ATP8A2: variants seen among roughly 807,000 people sequenced by gnomAD.
ATP8A2 encodes the protein ATPase phospholipid transporting 8A2, also known as phospholipid-transporting ATPase IB.
ATP8A2 carries 100 observed loss-of-function variants against 165.6 expected under a neutral mutation model. The observed-to-expected ratio is 0.60, with a 90% CI of 0.51 to 0.71. ATP8A2 has a LOEUF of 0.71. Among genes scored for constraint, ATP8A2 ranks in the 30% least tolerant of loss-of-function variants. The pLI, the probability that ATP8A2 is intolerant of heterozygous loss-of-function variation, is 0.00. For missense variants in ATP8A2, 1,227 were observed against 1,479.5 expected, an observed-to-expected ratio of 0.83 and a Z score of 2.80; for synonymous variants, 543 against 548.8, an observed-to-expected ratio of 0.99 and a Z score of 0.15.
In ATP8A2 at chr13:26,020,820, T is replaced by C. The variant is rs1320778374; in HGVS notation, c.*835T>C. On this transcript the variant is annotated 3_prime_UTR_variant, in exon 37 of 37. Coordinates refer to ENST00000381655, the MANE Select transcript of ATP8A2 (RefSeq NM_016529.6). ...TTCCTTCTTCCACCGCCCTTCTCGT[T>C]CTGTAAAGAAAGAAAAGAAACATAG... 6.6e-6 allele frequency: 1 copy of C among 152,260 alleles called. No homozygotes were observed. Among genetic ancestry groups the C allele is most frequent in the Non-Finnish European group, 1.5e-5 (1 of 68,072 alleles). The allele number at this position is 152,260 out of a possible 1,614,324, so 9.4% of individuals were successfully genotyped here. A position where few individuals can be genotyped will look rare whatever the true frequency, so the allele number is the denominator to read the frequency against.
intron 33 of ATP8A2, among the ~76,000 whole-genome samples, chr13:25,891,418 G>A (rs1267009083): frequency 6.6e-6 from 1 of 151,956 alleles, no homozygotes; most frequent in Non-Finnish European, 1.5e-5. Context: ...CCCCTCCCAG[G>A]TTCAAGCAAT....
At position 25,783,070 on chromosome 13, in the gene ATP8A2, G is replaced by A. The variant is rs547635211; in HGVS notation, c.2679+8111G>A. 7.3e-5 allele frequency among the ~76,000 whole-genome samples: 11 copies of A among 149,908 alleles called. 1 individual carries two copies. In the South Asian group the frequency reaches 2.3e-3, roughly 32 times the overall value. ...TTTTAAATATGTACTATTTATTCTT[G>A]TATTGATATTTTTACTGTTTTTCTT... is the stretch of plus-strand genomic sequence containing the variant. On this transcript the variant is annotated intron_variant, in intron 27 of 36. Coordinates refer to ENST00000381655, the MANE Select transcript of ATP8A2 (RefSeq NM_016529.6).
intron 27 of ATP8A2, among the ~76,000 whole-genome samples, chr13:25,784,090 C>G (rs1234030813): frequency 6.6e-6 from 1 of 152,122 alleles, no homozygotes; most frequent in Non-Finnish European, 1.5e-5. Context: ...ATGTGACAAT[C>G]TATGCTTTTT....
chr13:25,686,128 A>G (rs7331938), intron 24 of ATP8A2, among the ~76,000 whole-genome samples: 50 of 152,222 alleles, frequency 3.3e-4, no homozygotes, highest in Non-Finnish European at 5.4e-4. Context: ...GTGGTGTTCC[A>G]TAACTATTCC....
chr13:25,536,116 T>A (rs1451180033), intron 6 of ATP8A2, among the ~76,000 whole-genome samples: 2 of 152,194 alleles, frequency 1.3e-5, no homozygotes, highest in African/African-American at 4.8e-5. Context: ...GTTTTAATTT[T>A]ATTTTATTCT....
chr13:25,564,170 A>C, intron 16 of ATP8A2, 139 bp downstream of exon 16: 1 of 661,650 alleles, frequency 1.5e-6, no homozygotes, highest in East Asian at 2.7e-5. Context: ...CCTTCTGAGA[A>C]GTGATCTTAG....
chr13:25,714,461 A>G (rs2043215202), intron 25 of ATP8A2, among the ~76,000 whole-genome samples: 1 of 152,074 alleles, frequency 6.6e-6, no homozygotes, highest in Admixed American at 6.5e-5. Flanking sequence ...AGCATTTACC[A>G]CTACCTGACA....
At chr13:25,963,886 C>T (rs989214094) in intron 34 of ATP8A2, among the ~76,000 whole-genome samples, 3 of 152,342 alleles carry the variant, frequency 2.0e-5, no homozygotes, top group African/African-American at 7.2e-5. Context: ...ATAAAATTAG[C>T]ACCATTTACA....
At chr13:25,866,903 G>T (rs1952522689) in intron 33 of ATP8A2, among the ~76,000 whole-genome samples, 1 of 152,206 alleles carries the variant, frequency 6.6e-6, no homozygotes, top group African/African-American at 2.4e-5. Flanking sequence ...ATGCCAGCTG[G>T]TGACGGTGAC....
intron 24 of ATP8A2, among the ~76,000 whole-genome samples, chr13:25,641,926 G>A (rs2041535385): frequency 6.6e-6 from 1 of 152,058 alleles, no homozygotes; most frequent in South Asian, 2.1e-4. Context: ...GAACAGAACA[G>A]AGCCCTGAGA....
intron 2 of ATP8A2, among the ~76,000 whole-genome samples, chr13:25,501,094 C>T (rs1298480165): frequency 1.3e-5 from 2 of 152,062 alleles, no homozygotes; most frequent in Admixed American, 1.3e-4. Context: ...TATGGTTGGG[C>T]AGAAAGGGGG....
In ATP8A2 at chr13:26,023,526, C is replaced by T. The variant is rs1270312983; in HGVS notation, c.*3541C>T. On this transcript the variant is annotated 3_prime_UTR_variant, in exon 37 of 37. Coordinates refer to ENST00000381655, the MANE Select transcript of ATP8A2 (RefSeq NM_016529.6). ...CCTAGGTAACTAATGTCTTATAATG[C>T]ATATGTATGTAAATATTACAGGATT... 1 of 152,098 alleles carries T rather than the reference C, an allele frequency of 6.6e-6. No individual in the cohort carries two copies. The highest frequency in any genetic ancestry group is 1.9e-4 in the East Asian group (1 of 5,198). The allele number at this position is 152,098 out of a possible 1,614,324, so 9.4% of individuals were successfully genotyped here.
intron 24 of ATP8A2, among the ~76,000 whole-genome samples, chr13:25,695,586 T>G (rs923976421): frequency 1.3e-5 from 2 of 152,206 alleles, no homozygotes; most frequent in African/African-American, 2.4e-5. Flanking sequence ...GCTAAATCCT[T>G]TGTTGTCATT....
chr13:25,980,322 A>G (rs958626821), intron 35 of ATP8A2, among the ~76,000 whole-genome samples: 1 of 152,182 alleles, frequency 6.6e-6, no homozygotes, highest in African/African-American at 2.4e-5. Context: ...AGTCTCCTTC[A>G]GTTCACAGTG....
At chr13:25,806,899 G>A (rs1950752763) in intron 27 of ATP8A2, among the ~76,000 whole-genome samples, 1 of 152,064 alleles carries the variant, frequency 6.6e-6, no homozygotes, top group African/African-American at 2.4e-5. Flanking sequence ...ATGCCATTGT[G>A]GTTTTGGTTT....
chr13:25,465,260 A>G (rs1373995843), intron 1 of ATP8A2, among the ~76,000 whole-genome samples: 1 of 152,038 alleles, frequency 6.6e-6, no homozygotes, highest in Non-Finnish European at 1.5e-5. Flanking sequence ...TTTTTTTTCT[A>G]ATACAGGGTT....
intron 30 of ATP8A2, among the ~76,000 whole-genome samples, chr13:25,852,302 A>G (rs1745366121): frequency 6.6e-6 from 1 of 152,150 alleles, no homozygotes; most frequent in African/African-American, 2.4e-5. Flanking sequence ...AGATGCTACC[A>G]AGCAGTCTGC....
intron 25 of ATP8A2, among the ~76,000 whole-genome samples, chr13:25,707,459 C>T (rs557417964): frequency 6.6e-6 from 1 of 152,120 alleles, no homozygotes; most frequent in African/African-American, 2.4e-5. Flanking sequence ...TAAAAAGTAG[C>T]GTATCAACTT....
intron 7 of ATP8A2, 113 bp from the exon 8 acceptor site, chr13:25,540,206 A>G: frequency 1.3e-6 from 1 of 780,772 alleles, no homozygotes; most frequent in Non-Finnish European, 2.2e-6. Context: ...ATTTATAACA[A>G]TTTATTTTGA....
Sources: allele counts gnomAD v4.1 joint callset (sites outside exome capture counted in the v4.1 genomes callset), GRCh38; gene constraint gnomAD v4.1.1; transcripts MANE v1.5; gene names NCBI Gene and HGNC (gene_info 2026-07-23, HGNC 2026-07-21).